Variants in NECAB1 observed in about 807,000 individuals in gnomAD.
The protein encoded by NECAB1 is N-terminal EF-hand calcium binding protein 1.
A neutral mutation model predicts 57.5 loss-of-function variants in NECAB1; 29 were observed. The observed-to-expected ratio is 0.50, with a 90% CI of 0.38 to 0.69. The LOEUF (loss-of-function observed/expected upper bound fraction) is 0.69, where lower values mean the gene tolerates loss of function less well. Ranked by LOEUF, NECAB1 falls within the 30% of genes least tolerant of loss-of-function variation. The pLI is 0.00. For synonymous variants in NECAB1, 142 were observed against 147.7 expected (o/e 0.96, Z 0.28); for missense variants, 372 against 413.8 (o/e 0.90, Z 0.88).
At chr8:90,937,445 T>G (rs1380660404) in intron 9 of NECAB1, among the ~76,000 whole-genome samples, 7 of 152,122 alleles carry the variant, frequency 4.6e-5, no homozygotes, top group Non-Finnish European at 1.0e-4. Context: ...ATACTTAAGA[T>G]GAAATCATAA....
At chr8:90,822,149 A>G (rs939470052) in intron 2 of NECAB1, among the ~76,000 whole-genome samples, 1 of 151,916 alleles carries the variant, frequency 6.6e-6, no homozygotes, top group African/African-American at 2.4e-5. Context: ...AGATTTGGCT[A>G]TTCTGTGAGC....
At chr8:90,851,731 A>G (rs1812687847) in intron 3 of NECAB1, among the ~76,000 whole-genome samples, 1 of 152,164 alleles carries the variant, frequency 6.6e-6, no homozygotes, top group South Asian at 2.1e-4. Context: ...TAACATCCCC[A>G]TCAGAGAGTA....
At chr8:90,800,782 G>A (rs1001285543) in intron 1 of NECAB1, among the ~76,000 whole-genome samples, 5 of 152,040 alleles carry the variant, frequency 3.3e-5, no homozygotes, top group Non-Finnish European at 7.4e-5. Context: ...TCATTCACTG[G>A]CCCTAATGTG....
chr8:90,936,120 T>C (rs1037122736), intron 9 of NECAB1, among the ~76,000 whole-genome samples: 13 of 152,122 alleles, frequency 8.5e-5, no homozygotes, highest in Non-Finnish European at 1.3e-4. Context: ...ATATTCAGAA[T>C]GACCAAAATC....
At chr8:90,930,958 G>T (rs1271653063) in intron 8 of NECAB1, among the ~76,000 whole-genome samples, 1 of 152,116 alleles carries the variant, frequency 6.6e-6, no homozygotes, top group Non-Finnish European at 1.5e-5. Context: ...GGACAAAACT[G>T]TCTTTATTTG....
chr8:90,806,476 G>GA (rs1375620169), intron 2 of NECAB1: 1 of 152,182 alleles, frequency 6.6e-6, no homozygotes, highest in African/African-American at 2.4e-5. Context: ...AAGCACTGTT[G>GA]TTATTTATCT....
At chr8:90,865,188 A>G (rs971593135) in intron 3 of NECAB1, among the ~76,000 whole-genome samples, 1 of 152,088 alleles carries the variant, frequency 6.6e-6, no homozygotes, top group Non-Finnish European at 1.5e-5. Context: ...AAAAGGGAAG[A>G]AGTGCTCATC....
intron 3 of NECAB1, among the ~76,000 whole-genome samples, chr8:90,840,950 CA>C (rs34615882): frequency 7.6e-4 from 92 of 121,652 alleles, no homozygotes; most frequent in East Asian, 2.6e-3. Context: ...TAAATCTATT[CA>C]AAAAAAAAAA....
intron 3 of NECAB1, among the ~76,000 whole-genome samples, chr8:90,825,592 AT>A (rs780769646): frequency 1.4e-4 from 21 of 151,778 alleles, no homozygotes; most frequent in Non-Finnish European, 2.9e-4. Flanking sequence ...AAATCATTAT[AT>A]TTCCTTAGGC....
intron 1 of NECAB1, among the ~76,000 whole-genome samples, chr8:90,796,842 AG>A (rs1266155476): frequency 6.6e-6 from 1 of 152,218 alleles, no homozygotes; most frequent in Non-Finnish European, 1.5e-5. Context: ...TTTAATTATA[AG>A]AACTGTCTTA....
chr8:90,927,005 C>CAT (rs1418109538), intron 7 of NECAB1, among the ~76,000 whole-genome samples: 1 of 152,168 alleles, frequency 6.6e-6, no homozygotes, highest in African/African-American at 2.4e-5. Flanking sequence ...CCTGAAGCAA[C>CAT]ATATAGATTG....
chr8:90,922,787 C>G (rs1357263556), intron 6 of NECAB1, among the ~76,000 whole-genome samples: 1 of 152,012 alleles, frequency 6.6e-6, no homozygotes, highest in Non-Finnish European at 1.5e-5. Context: ...GCCACCACGC[C>G]TGGCCAAAAA....
At chr8:90,932,177 G>A (rs1219757836) in intron 8 of NECAB1, among the ~76,000 whole-genome samples, 1 of 152,114 alleles carries the variant, frequency 6.6e-6, no homozygotes, top group African/African-American at 2.4e-5. Flanking sequence ...TAGTGGTCAA[G>A]GAGATTACTA....
chr8:90,860,767 T>C (rs927077938), intron 3 of NECAB1, among the ~76,000 whole-genome samples: 1 of 151,982 alleles, frequency 6.6e-6, no homozygotes, highest in African/African-American at 2.4e-5. Context: ...GCAAAGAAGA[T>C]AGAACACATG....
chr8:90,812,110 G>A (rs1450886247), intron 2 of NECAB1, among the ~76,000 whole-genome samples: 1 of 152,168 alleles, frequency 6.6e-6, no homozygotes, highest in Non-Finnish European at 1.5e-5. Flanking sequence ...TAAACTAGCT[G>A]AAAAAGCAGT....
chr8:90,844,579 A>C (rs1335973543), intron 3 of NECAB1, among the ~76,000 whole-genome samples: 1 of 152,040 alleles, frequency 6.6e-6, no homozygotes, highest in Non-Finnish European at 1.5e-5. Flanking sequence ...TTATGTCTAA[A>C]CTTCTGTAGG....
At chr8:90,954,025 T>A (rs1407281190) in intron 12 of NECAB1, among the ~76,000 whole-genome samples, 1 of 151,546 alleles carries the variant, frequency 6.6e-6, no homozygotes. Context: ...ACTGAGTTCG[T>A]GCCAGTGCAC....
At position 90,958,883 on chromosome 8, in the gene NECAB1, G is replaced by A. The variant is rs1431822775; in HGVS notation, c.*3371G>A. On this transcript the variant is annotated 3_prime_UTR_variant, in exon 13 of 13. Transcript: ENST00000417640. ...AAAATAGCTCTTTCTCATTTTTAGA[G>A]AAGTCAAATAGCCAACCATCAAAAT... 1.7e-6 allele frequency: 1 copy of A among 595,628 alleles called. No homozygotes were observed. Among genetic ancestry groups the A allele is most frequent in the Non-Finnish European group, 2.8e-6 (1 of 354,720 alleles). The allele number at this position is 595,628 out of a possible 1,614,324, so 36.9% of individuals were successfully genotyped here.
intron 10 of NECAB1, among the ~76,000 whole-genome samples, chr8:90,944,239 A>G (rs1477532859): frequency 2.6e-5 from 4 of 152,218 alleles, no homozygotes. Context: ...GGTAGAACAC[A>G]CAAGTCCACT....
Sources: allele counts gnomAD v4.1 joint callset (sites outside exome capture counted in the v4.1 genomes callset), GRCh38; gene constraint gnomAD v4.1.1; transcripts MANE v1.5; gene names NCBI Gene and HGNC (gene_info 2026-07-23, HGNC 2026-07-21).